CHAF1B: variants seen among roughly 807,000 people sequenced by gnomAD.
CHAF1B encodes CAF-1 subunit B.
CHAF1B carries 10 observed loss-of-function variants against 60.7 expected under a neutral mutation model. That is an observed-to-expected ratio of 0.16 (90% confidence interval 0.10 to 0.28). CHAF1B has a LOEUF of 0.28. Among genes scored for constraint, CHAF1B ranks in the 10% least tolerant of loss-of-function variants. CHAF1B has a pLI of 1.00. For synonymous variants in CHAF1B, 261 were observed against 266.1 expected (o/e 0.98, Z 0.19); for missense variants, 558 against 708.4 (o/e 0.79, Z 2.41).
chr21:36,411,116 CTTTT>C (rs35488336), intron 10 of CHAF1B, among the ~76,000 whole-genome samples: 2 of 126,784 alleles, frequency 1.6e-5, no homozygotes, highest in South Asian at 2.4e-4. Flanking sequence ...TATAAATATT[CTTTT>C]TTTTTTTTTT....
At chr21:36,412,251 G>A (rs1241146794) in intron 11 of CHAF1B, among the ~76,000 whole-genome samples, 1 of 152,208 alleles carries the variant, frequency 6.6e-6, no homozygotes, top group Non-Finnish European at 1.5e-5. Flanking sequence ...TGCCCCTGCT[G>A]CCCAGGACAG....
chr21:36,399,900 C>T (rs563612028), intron 7 of CHAF1B, among the ~76,000 whole-genome samples: 4 of 152,242 alleles, frequency 2.6e-5, no homozygotes, highest in South Asian at 2.1e-4. Flanking sequence ...GGGTGCTGGC[C>T]GGGCGCCGTG....
chr21:36,400,700 G>T (rs56187769), intron 7 of CHAF1B, among the ~76,000 whole-genome samples: 3,180 of 152,242 alleles, frequency 0.021, 105 homozygotes, highest in African/African-American at 0.07. Context: ...ATCTTGGCAG[G>T]TAGGTAGAGA....
At chr21:36,386,717 CTTT>C (rs976266144) in intron 2 of CHAF1B, among the ~76,000 whole-genome samples, 2 of 144,078 alleles carry the variant, frequency 1.4e-5, no homozygotes, top group African/African-American at 2.5e-5. Flanking sequence ...GAGCTGCTTT[CTTT>C]TTTTTTTTTT....
chr21:36,409,234 C>T (rs1336817679), intron 9 of CHAF1B, 140 bp from the exon 10 acceptor site: 3 of 574,076 alleles, frequency 5.2e-6, no homozygotes, highest in Non-Finnish European at 3.1e-6. Flanking sequence ...CTCCTGACCT[C>T]AGGTGATCCG....
chr21:36,396,521 G>C (rs2086140687), intron 5 of CHAF1B, among the ~76,000 whole-genome samples: 1 of 151,660 alleles, frequency 6.6e-6, no homozygotes, highest in Admixed American at 6.6e-5. Context: ...AAATTAGCTG[G>C]GTGTGGTAGT....
At chr21:36,413,598 C>T (rs1347935265) in intron 12 of CHAF1B, among the ~76,000 whole-genome samples, 1 of 152,174 alleles carries the variant, frequency 6.6e-6, no homozygotes, top group Non-Finnish European at 1.5e-5. Flanking sequence ...ACTCTCTCTC[C>T]TGAGTCTGTG....
chr21:36,391,574 G>C lies in CHAF1B; in HGVS notation c.283G>C (p.Val95Leu), dbSNP rs924977949. 6.2e-7 allele frequency: 1 copy of C among 1,612,688 alleles called. No individual in the cohort carries two copies. The highest frequency in any genetic ancestry group is 8.5e-7 in the Non-Finnish European group (1 of 1,178,988). Residue 95 changes from valine (V) to leucine (L), a missense_variant, in exon 4 of 14, where the codon GTG becomes CTG. Transcript: ENST00000314103. ...AGATGCTGTCATCCTATTGTGGAAG[G>C]TGAATGATAACAAGGAGCCGGAGCA... ...GDDAVILLWKVNDNKEPEQIA... is the reference protein window; with the variant it reads ...GDDAVILLWKLNDNKEPEQIA...
intron 6 of CHAF1B, 86 bp from the exon 7 acceptor site, chr21:36,399,435 G>C: frequency 8.9e-7 from 1 of 1,119,812 alleles, no homozygotes; most frequent in East Asian, 2.4e-5. Flanking sequence ...TGTTGCGGTG[G>C]TAATAGGCTG....
intron 5 of CHAF1B, among the ~76,000 whole-genome samples, chr21:36,397,042 C>G (rs2086145948): frequency 6.6e-6 from 1 of 152,134 alleles, no homozygotes; most frequent in Admixed American, 6.6e-5. Flanking sequence ...CTGTTTTAAC[C>G]CAGGGATTCC....
chr21:36,389,055 T>C (rs2086060368), intron 3 of CHAF1B: 1 of 152,412 alleles, frequency 6.6e-6, no homozygotes, highest in East Asian at 1.9e-4. Flanking sequence ...CCGGTCGGGG[T>C]AAGATCCCGC....
intron 8 of CHAF1B, among the ~76,000 whole-genome samples, chr21:36,405,792 A>G (rs2086233654): frequency 6.6e-6 from 1 of 152,176 alleles, no homozygotes; most frequent in Admixed American, 6.6e-5. Context: ...GGTCTTACTG[A>G]AGGTTATAAA....
At chr21:36,411,271 G>A (rs1205601916) in intron 10 of CHAF1B, among the ~76,000 whole-genome samples, 192 bp from the exon 11 acceptor site, 3 of 151,822 alleles carry the variant, frequency 2.0e-5, no homozygotes, top group Non-Finnish European at 2.9e-5. Flanking sequence ...ACACCCCCAC[G>A]CCTGGCTAAT....
intron 5 of CHAF1B, 32 bp downstream of exon 5, chr21:36,394,682 G>T: frequency 3.0e-6 from 4 of 1,321,000 alleles, no homozygotes; most frequent in East Asian, 2.4e-5. Flanking sequence ...TTAGCAGGAA[G>T]AAATATTCTA....
Position 36,385,955 on chromosome 21 carries a change from A to T in CHAF1B, c.-77-105A>T, listed in dbSNP as rs527436687. 8.0e-6 allele frequency: 5 copies of T among 628,112 alleles called. No individual in the cohort carries two copies. The East Asian group carries it at 1.4e-4, about 18-fold the overall frequency. The allele number at this position is 628,112 out of a possible 1,614,324, so 38.9% of individuals were successfully genotyped here. On this transcript the variant is annotated intron_variant, in intron 1 of 13. Coordinates refer to ENST00000314103, the MANE Select transcript of CHAF1B (RefSeq NM_005441.3). ...GGTGTTATTGTCAGATGGCAACGTT[A>T]ACATCCTTTCCCAATGCAGTGTGCA...
At chr21:36,409,794 G>A (rs1039843034) in intron 10 of CHAF1B, among the ~76,000 whole-genome samples, 4 of 150,956 alleles carry the variant, frequency 2.6e-5, no homozygotes, top group African/African-American at 7.3e-5. Flanking sequence ...CCCTGTGCCC[G>A]GCCTGGTTTA....
chr21:36,388,131 C>T (rs1468218856), intron 3 of CHAF1B, among the ~76,000 whole-genome samples: 1 of 152,012 alleles, frequency 6.6e-6, no homozygotes, highest in East Asian at 1.9e-4. Flanking sequence ...CCTGGATATG[C>T]TTTTTAGTTC....
In CHAF1B at chr21:36,402,829, C is replaced by T. The variant is rs139980774; in HGVS notation, c.735C>T (p.Asp245=). Residue 245 remains aspartate (D), a synonymous_variant, in exon 8 of 14, where the codon GAC becomes GAT. Coordinates refer to ENST00000314103, the MANE Select transcript of CHAF1B (RefSeq NM_005441.3). The part of the protein sequence containing the change: ...SFFRRLSFTP[D]GSLLLTPAGC... ...TCCGTAGACTGAGTTTCACTCCCGA[C>T]GGATCTTTGCTTCTCACGCCAGGTG... 5.2e-4 allele frequency: 846 copies of T among 1,613,908 alleles called. 12 individuals carry two copies. The East Asian group carries it at 0.018, about 34-fold the overall frequency.
chr21:36,412,920 G>T lies in CHAF1B; in HGVS notation c.1098G>T (p.Thr366=), dbSNP rs376882750. 4.3e-6 allele frequency: 7 copies of T among 1,613,922 alleles called. No individual in the cohort carries two copies. The African/African-American group carries it at 6.7e-5, about 15-fold the overall frequency. Residue 366 remains threonine (T), a synonymous_variant, in exon 12 of 14, where the codon ACG becomes ACT. Transcript: ENST00000314103. ...GTGCCTTCCTGGCCATTTCTTCCAC[G>T]GACGGTTACTGCTCATTTGTGACAT... ...SDGAFLAISS[T]DGYCSFVTFE...
Sources: gnomAD v4.1 joint callset for allele counts (sites outside exome capture counted in the v4.1 genomes callset) on GRCh38, gnomAD v4.1.1 for gene constraint, MANE v1.5 for transcripts, NCBI Gene and HGNC (gene_info 2026-07-23, HGNC 2026-07-21) for gene names.